The following UCK2 variants were observed in gnomAD, a reference collection of about 807,000 sequenced individuals.
The protein encoded by UCK2 is uridine-cytidine kinase 2.
UCK2 carries 6 observed loss-of-function variants against 30.8 expected under a neutral mutation model. The observed-to-expected ratio is 0.19, with a 90% CI of 0.11 to 0.38. The LOEUF is 0.38. UCK2 is among the 10% of genes least tolerant of loss of function. UCK2 has a pLI of 1.00. For synonymous variants in UCK2, 125 were observed against 133.6 expected, an observed-to-expected ratio of 0.94 and a Z score of 0.45; for missense variants, 210 against 339.8, an observed-to-expected ratio of 0.62 and a Z score of 3.00.
chr1:165,896,244 C>A lies in UCK2; in HGVS notation c.411C>A (p.Ile137=), dbSNP rs1661108272. The A allele has an allele frequency of 6.2e-7, 1 of 1,614,090 alleles. No individual in the cohort carries two copies. Residue 137 remains isoleucine, a synonymous_variant, in exon 4 of 7, where the codon ATC becomes ATA. Coordinates refer to ENST00000367879, the MANE Select transcript of UCK2 (RefSeq NM_012474.5). ...CAGACGTGGTGCTCTTTGAAGGGAT[C>A]CTGGCCTTCTACTCCCAGGAGGTAC... The part of the protein sequence containing the change: ...YPADVVLFEG[I]LAFYSQEVRD...
At chr1:165,901,306 G>A (rs796185937) in intron 4 of UCK2, among the ~76,000 whole-genome samples, 2 of 152,154 alleles carry the variant, frequency 1.3e-5, no homozygotes, top group Admixed American at 1.3e-4. Context: ...TACAAAAGTC[G>A]AATGGCAGCA....
intron 6 of UCK2, among the ~76,000 whole-genome samples, chr1:165,906,872 T>G (rs1196001702): frequency 6.6e-6 from 1 of 152,256 alleles, no homozygotes; most frequent in African/African-American, 2.4e-5. Flanking sequence ...CCTGTATTTT[T>G]TAAGAACAAA....
chr1:165,828,048 C>G (rs1653936915), intron 1 of UCK2, 116 bp downstream of exon 1: 4 of 668,394 alleles, frequency 6.0e-6, no homozygotes, highest in Non-Finnish European at 7.8e-6. Context: ...CCGCGCGCCT[C>G]CGCTCCCGGC....
chr1:165,895,932 C>T (rs1655886802), intron 3 of UCK2: 2 of 370,458 alleles, frequency 5.4e-6, no homozygotes, highest in South Asian at 1.5e-4. Context: ...AGAAGGATGT[C>T]TGCCGTGTAT....
chr1:165,879,752 T>C (rs1655435554), intron 1 of UCK2, among the ~76,000 whole-genome samples: 1 of 152,034 alleles, frequency 6.6e-6, no homozygotes, highest in Non-Finnish European at 1.5e-5. Context: ...TCAGCAAAAC[T>C]TAGAAGGGAA....
At chr1:165,903,596 G>A (rs929245588) in intron 5 of UCK2, among the ~76,000 whole-genome samples, 41 of 152,156 alleles carry the variant, frequency 2.7e-4, no homozygotes, top group Admixed American at 2.0e-3. Context: ...TACTGAGGGT[G>A]TATCATATCC....
intron 1 of UCK2, among the ~76,000 whole-genome samples, chr1:165,866,295 C>G (rs575889201): frequency 1.3e-5 from 2 of 152,090 alleles, no homozygotes; most frequent in Non-Finnish European, 2.9e-5. Flanking sequence ...ACAACGTTTC[C>G]CCTGCCCAAT....
At chr1:165,841,111 G>GTATATATATA (rs61030546) in intron 1 of UCK2, among the ~76,000 whole-genome samples, 19 of 144,936 alleles carry the variant, frequency 1.3e-4, no homozygotes, top group South Asian at 4.3e-4. Flanking sequence ...GTGTGTGTGT[G>GTATATATATA]TATATATATA....
intron 1 of UCK2, among the ~76,000 whole-genome samples, chr1:165,833,289 G>A (rs899115883): frequency 4.6e-5 from 7 of 152,042 alleles, no homozygotes; most frequent in African/African-American, 1.4e-4. Context: ...CTGGCCCTTC[G>A]GACCTTCTTC....
At chr1:165,860,720 G>T (rs74878539) in intron 1 of UCK2, among the ~76,000 whole-genome samples, 2,933 of 152,146 alleles carry the variant, frequency 0.019, 44 homozygotes, top group African/African-American at 0.044. Flanking sequence ...AAAATTCTGG[G>T]ATTACAGGTG....
At chr1:165,889,939 A>G (rs1293189482) in intron 1 of UCK2, among the ~76,000 whole-genome samples, 4 of 151,956 alleles carry the variant, frequency 2.6e-5, no homozygotes, top group Non-Finnish European at 4.4e-5. Flanking sequence ...GGGAACATGC[A>G]GTATTTGGTT....
At chr1:165,843,094 T>G (rs1390534392) in intron 1 of UCK2, among the ~76,000 whole-genome samples, 2 of 150,322 alleles carry the variant, frequency 1.3e-5, no homozygotes. Flanking sequence ...GTGTTTTTCT[T>G]TCTCTGACAC....
chr1:165,891,964 C>T (rs1049990232), intron 3 of UCK2, among the ~76,000 whole-genome samples: 2 of 151,538 alleles, frequency 1.3e-5, no homozygotes, highest in East Asian at 2.0e-4. Context: ...TCCTTCAGAG[C>T]GTCTCAGACC....
chr1:165,870,603 G>T (rs1243038353), intron 1 of UCK2, among the ~76,000 whole-genome samples: 1 of 152,230 alleles, frequency 6.6e-6, no homozygotes, highest in Admixed American at 6.5e-5. Flanking sequence ...CAAGCCTCTT[G>T]CTCCATTATG....
rs760982539 is a variant in UCK2 at position 165,891,305 on chromosome 1, C to T, written c.339C>T (p.Asp113=). 8.1e-6 allele frequency: 13 copies of T among 1,614,222 alleles called. No homozygotes were observed. Among genetic ancestry groups the T allele is most frequent in the Non-Finnish European group, 1.1e-5 (13 of 1,180,018 alleles). Residue 113 remains aspartate (D), a synonymous_variant, in exon 3 of 7, where the codon GAC becomes GAT. Transcript: ENST00000367879. ...AAACAGTCCAGATCCCCGTGTATGACTTTGTCTCCCATTCCCGGTAAGTGA... is the reference window on the plus strand; with the variant it reads ...AAACAGTCCAGATCCCCGTGTATGATTTTGTCTCCCATTCCCGGTAAGTGA... ...EGKTVQIPVY[D]FVSHSRKEET... is the part of the protein sequence containing the mutation.
At position 165,885,962 on chromosome 1, in the gene UCK2, G is replaced by A. The variant is rs143853275; in HGVS notation, c.100-4242G>A. On this transcript the variant is annotated intron_variant, in intron 1 of 6. Coordinates refer to ENST00000367879, the MANE Select transcript of UCK2 (RefSeq NM_012474.5). ...CCGTCTTTAAGTGTACATCTCAGTG[G>A]TGTTGAGTATATTCACATTATTGGA... Among the ~76,000 whole-genome samples the A allele has an allele frequency of 8.5e-5, 13 of 152,234 alleles. No homozygotes were observed. In the East Asian group the frequency reaches 1.9e-3, roughly 23 times the overall value.
Position 165,827,900 on chromosome 1 carries a change from A to C in UCK2, c.67A>C (p.Ile23Leu). 2 of 1,465,300 alleles carry C rather than the reference A, an allele frequency of 1.4e-6. No homozygotes were observed. The highest frequency in any genetic ancestry group is 1.8e-6 in the Non-Finnish European group (2 of 1,100,148). 90.8% of individuals were successfully genotyped at this position (1,465,300 alleles called of 1,614,324 possible). ...QQPNGGEPFL[I>L]GVSGGTASGK... ...GCCCAACGGCGGCGAGCCCTTCCTT[A>C]TAGGCGTCAGCGGGGGAACAGCTAG... The change falls in exon 1 of 7, where the codon ATA becomes CTA. Residue 23 changes from isoleucine to leucine, a missense_variant. Coordinates refer to ENST00000367879, the MANE Select transcript of UCK2 (RefSeq NM_012474.5).
intron 1 of UCK2, among the ~76,000 whole-genome samples, chr1:165,870,806 G>T (rs1655177933): frequency 6.6e-6 from 1 of 152,314 alleles, no homozygotes; most frequent in Middle Eastern, 3.4e-3. Flanking sequence ...GGCTTCATTG[G>T]ACAAAAATTC....
intron 1 of UCK2, among the ~76,000 whole-genome samples, chr1:165,889,887 C>T (rs993415543): frequency 3.3e-5 from 5 of 152,038 alleles, no homozygotes; most frequent in African/African-American, 7.2e-5. Context: ...GTTCCCCTCC[C>T]TGTGTCCATG....
Sources: gnomAD v4.1 joint callset for allele counts (sites outside exome capture counted in the v4.1 genomes callset) on GRCh38, gnomAD v4.1.1 for gene constraint, MANE v1.5 for transcripts, NCBI Gene and HGNC (gene_info 2026-07-23, HGNC 2026-07-21) for gene names.